Variants in PEDS1 observed in about 807,000 individuals in gnomAD.
PEDS1 encodes plasmanylethanolamine desaturase 1, also known as CarF homolog.
Under a neutral mutation model 35.2 loss-of-function variants are expected in PEDS1, and 14 were observed. The ratio of observed to expected loss-of-function variants is 0.40; its 90% CI spans 0.26 to 0.62. PEDS1 has a LOEUF of 0.62. Among genes scored for constraint, PEDS1 ranks in the 20% least tolerant of loss-of-function variants. The probability of loss-of-function intolerance (pLI) is 0.44; values close to 1 mark genes in which losing one functional copy is unlikely to be tolerated. For synonymous variants in PEDS1, 152 were observed against 152.0 expected (o/e 1.00, Z 0.00); for missense variants, 260 against 367.8 (o/e 0.71, Z 2.40).
intron 1 of PEDS1, among the ~76,000 whole-genome samples, chr20:50,144,945 G>A (rs938036350): frequency 4.6e-5 from 7 of 152,188 alleles, no homozygotes; most frequent in African/African-American, 1.7e-4. Context: ...GCTCACACCT[G>A]TAATCCCAGC....
intron 1 of PEDS1, among the ~76,000 whole-genome samples, chr20:50,144,826 T>C (rs768829433): frequency 6.6e-5 from 10 of 152,144 alleles, no homozygotes; most frequent in Non-Finnish European, 1.2e-4. Flanking sequence ...AAAATCTATA[T>C]AGTTAAGACC....
At chr20:50,150,633 G>A (rs1016565427) in intron 1 of PEDS1, among the ~76,000 whole-genome samples, 6 of 152,172 alleles carry the variant, frequency 3.9e-5, no homozygotes, top group Non-Finnish European at 7.3e-5. Context: ...CTGGGCACGT[G>A]AGACAGTTAT....
chr20:50,139,030 T>C (rs1295799186), intron 2 of PEDS1, among the ~76,000 whole-genome samples: 1 of 152,106 alleles, frequency 6.6e-6, no homozygotes, highest in Non-Finnish European at 1.5e-5. Flanking sequence ...GCCAAGTGAA[T>C]GCACTGAGGG....
chr20:50,149,850 C>T (rs567536535), intron 1 of PEDS1, among the ~76,000 whole-genome samples: 12 of 152,204 alleles, frequency 7.9e-5, no homozygotes, highest in Non-Finnish European at 1.5e-4. Context: ...CACCCCCACC[C>T]GGCCCAGTCC....
At chr20:50,134,340 G>GT (rs1423269913) in intron 2 of PEDS1, among the ~76,000 whole-genome samples, 1 of 152,208 alleles carries the variant, frequency 6.6e-6, no homozygotes, top group African/African-American at 2.4e-5. Context: ...GAGGTCAGGA[G>GT]TTTAAGACTA....
At chr20:50,132,365 C>T (rs2081189120) in intron 2 of PEDS1, among the ~76,000 whole-genome samples, 1 of 152,086 alleles carries the variant, frequency 6.6e-6, no homozygotes, top group African/African-American at 2.4e-5. Context: ...CTGAGGCTTC[C>T]ACCCCTGCTG....
rs1456063346 is a variant in PEDS1, at chr20:50,119,304, T to C, written c.*5754A>G. ...AAAAAATTAGCTCAGCATGGTGGCA[T>C]GCACCTGTAGTCCCAACTACTTGGG... On this transcript the variant is annotated 3_prime_UTR_variant, in exon 6 of 6. Transcript: ENST00000371652. 1 of 151,924 alleles carries C rather than the reference T, an allele frequency of 6.6e-6. No homozygotes were observed. The highest frequency in any genetic ancestry group is 1.5e-5 in the Non-Finnish European group (1 of 67,996). The allele number at this position is 151,924 out of a possible 1,614,324, so 9.4% of individuals were successfully genotyped here. A position where few individuals can be genotyped will look rare whatever the true frequency, so the allele number is the denominator to read the frequency against.
chr20:50,143,817 C>T, intron 1 of PEDS1, among the ~76,000 whole-genome samples, 196 bp from the exon 2 acceptor site: 16 of 152,208 alleles, frequency 1.1e-4, no homozygotes, highest in African/African-American at 3.4e-4. Context: ...CCTGCCTCAG[C>T]CTCCCGAGTA....
chr20:50,141,753 A>G (rs1601225906), intron 2 of PEDS1, among the ~76,000 whole-genome samples: 1 of 152,344 alleles, frequency 6.6e-6, no homozygotes, highest in African/African-American at 2.4e-5. Context: ...GGCAGGGGAC[A>G]TGCCTGGCTC....
At chr20:50,133,487 T>A (rs2081200545) in intron 2 of PEDS1, among the ~76,000 whole-genome samples, 1 of 152,162 alleles carries the variant, frequency 6.6e-6, no homozygotes, top group Non-Finnish European at 1.5e-5. Flanking sequence ...CCCCAGAGCC[T>A]GTGCACCCAG....
Position 50,124,716 on chromosome 20 carries a change from C to T in PEDS1, c.*342G>A. ...AGGAGGGAAAGAGGCAACTCACTGG[C>T]CCCAACGCCAGCCACACTGAAGGGC... is the stretch of plus-strand genomic sequence containing the variant. On this transcript the variant is annotated 3_prime_UTR_variant, in exon 6 of 6. Transcript: ENST00000371652. 4.2e-6 allele frequency: 1 copy of T among 237,204 alleles called. No homozygotes were observed. The highest frequency in any genetic ancestry group is 8.6e-6 in the Non-Finnish European group (1 of 116,740). The allele number at this position is 237,204 out of a possible 1,614,324, so 14.7% of individuals were successfully genotyped here. A position where few individuals can be genotyped will look rare whatever the true frequency, so the allele number is the denominator to read the frequency against.
Position 50,128,087 on chromosome 20 carries a change from A to G in PEDS1, c.579T>C (p.Phe193=), listed in dbSNP as rs759637563. 2.2e-5 allele frequency: 35 copies of G among 1,614,076 alleles called. No homozygotes were observed. Among genetic ancestry groups the G allele is most frequent in the Non-Finnish European group, 3.0e-5 (35 of 1,180,034 alleles). The change falls in exon 5 of 6, where the codon TTT becomes TTC. Residue 193 remains phenylalanine, a synonymous_variant. Coordinates refer to ENST00000371652, the MANE Select transcript of PEDS1 (RefSeq NM_199129.4). This position sits in a 1 kb window ranked among gnomAD's most constrained non-coding sequence, Gnocchi z 5.2. ...NQIHKWSHTY[F]GLPRWVTLLQ... Reference sequence around the variant, plus strand: ...GGAGGGTGACCCAGCGTGGCAGCCCAAAGTACGTGTGCGACCACTTGTGGA... The same window carrying G: ...GGAGGGTGACCCAGCGTGGCAGCCCGAAGTACGTGTGCGACCACTTGTGGA...
At position 50,133,286 on chromosome 20, in the gene PEDS1, C is replaced by T. The variant is rs1216629066; in HGVS notation, c.242-2339G>A. On this transcript the variant is annotated intron_variant, in intron 2 of 5. Coordinates refer to ENST00000371652, the MANE Select transcript of PEDS1 (RefSeq NM_199129.4). ...TGGTATCCATCACAGGTGCCAAGCA[C>T]GGGAGGGGTGGTGGGGGTGGGGGCA... 1.3e-4 allele frequency among the ~76,000 whole-genome samples: 14 copies of T among 110,956 alleles called. No homozygotes were observed. In the South Asian group the frequency reaches 1.6e-3, roughly 13 times the overall value. 72.8% of individuals were successfully genotyped at this position (110,956 alleles called of 152,430 possible).
At chr20:50,135,179 C>T (rs773355818) in intron 2 of PEDS1, among the ~76,000 whole-genome samples, 22 of 152,030 alleles carry the variant, frequency 1.4e-4, no homozygotes, top group Non-Finnish European at 2.5e-4. Flanking sequence ...ATGGAGACTC[C>T]ATCTCAGAAA....
Position 50,124,876 on chromosome 20 carries a change from A to T in PEDS1, c.*182T>A. 3.9e-6 allele frequency: 3 copies of T among 761,912 alleles called. No individual in the cohort carries two copies. The highest frequency in any genetic ancestry group is 6.1e-6 in the Non-Finnish European group (3 of 494,510). 47.2% of individuals were successfully genotyped at this position (761,912 alleles called of 1,614,324 possible). A position where few individuals can be genotyped will look rare whatever the true frequency, so the allele number is the denominator to read the frequency against. The stretch of plus-strand genomic sequence containing the variant: ...GAGGGGCCGAGGAAAAAAAAAAAAA[A>T]GAAATGAAAAATCAGTGGCTCAAGT... On this transcript the variant is annotated 3_prime_UTR_variant, in exon 6 of 6. Coordinates refer to ENST00000371652, the MANE Select transcript of PEDS1 (RefSeq NM_199129.4).
chr20:50,126,450 G>T (rs1227788495), intron 5 of PEDS1, among the ~76,000 whole-genome samples: 1 of 152,106 alleles, frequency 6.6e-6, no homozygotes, highest in African/African-American at 2.4e-5. Context: ...ACATGAAAAA[G>T]AATGTTTTTT....
At position 50,132,943 on chromosome 20, in the gene PEDS1, C is replaced by T. The variant is rs144634533; in HGVS notation, c.242-1996G>A. ...TGTAAAGTCCAGCAGAGGACAAAGG[C>T]AGCTGTGAGTGATGACACGTGTGGC... is the stretch of plus-strand genomic sequence containing the variant. On this transcript the variant is annotated intron_variant, in intron 2 of 5. Coordinates refer to ENST00000371652, the MANE Select transcript of PEDS1 (RefSeq NM_199129.4). Among the ~76,000 whole-genome samples, 14 of 152,278 alleles carry T rather than the reference C, an allele frequency of 9.2e-5. No homozygotes were observed. In the East Asian group the frequency reaches 2.7e-3, roughly 29 times the overall value.
chr20:50,146,685 A>T (rs1036490966), intron 1 of PEDS1, among the ~76,000 whole-genome samples: 1 of 152,156 alleles, frequency 6.6e-6, no homozygotes, highest in Non-Finnish European at 1.5e-5. Context: ...CAAGGCTCAG[A>T]AGGGGAACGG....
chr20:50,128,106 T>C lies in PEDS1; in HGVS notation c.560A>G (p.Lys187Arg). The change falls in exon 5 of 6, where the codon AAG (lysine) becomes AGG (arginine). Residue 187 changes from lysine (K) to arginine (R), a missense_variant. Around this residue, in one of 4 missense-constraint regions of PEDS1, gnomAD observed 83 missense variants for 142.8 expected, o/e 0.58. Transcript: ENST00000371652. The surrounding 1 kb of genome is among the most constrained non-coding windows in gnomAD (Gnocchi z 5.2). Reference sequence around the variant, plus strand: ...CAGCCCAAAGTACGTGTGCGACCACTTGTGGATCTGGTTGGTGAAGGTGCC... The same window carrying C: ...CAGCCCAAAGTACGTGTGCGACCACCTGTGGATCTGGTTGGTGAAGGTGCC... Reference protein sequence around the residue: ...IFGTFTNQIHKWSHTYFGLPR... With the variant: ...IFGTFTNQIHRWSHTYFGLPR... 6.2e-7 allele frequency: 1 copy of C among 1,614,126 alleles called. No homozygotes were observed. The highest frequency in any genetic ancestry group is 8.5e-7 in the Non-Finnish European group (1 of 1,180,008).
Sources: gnomAD v4.1 joint callset for allele counts (sites outside exome capture counted in the v4.1 genomes callset) on GRCh38, gnomAD v4.1.1 for gene constraint, gnomAD v4.1.1 regional missense constraint, Gnocchi (gnomAD v3.1) non-coding constraint, MANE v1.5 for transcripts, NCBI Gene and HGNC (gene_info 2026-07-23, HGNC 2026-07-21) for gene names.